Variants in EFCC1 observed in about 807,000 individuals in gnomAD.
EFCC1 encodes EF-hand and coiled-coil domain-containing protein 1.
In EFCC1, 50 loss-of-function variants were observed where a neutral mutation model predicts 52.1. The ratio of observed to expected loss-of-function variants is 0.96; its 90% CI spans 0.76 to 1.21. The LOEUF (loss-of-function observed/expected upper bound fraction) is 1.21, where lower values mean the gene tolerates loss of function less well. Among genes scored for constraint, EFCC1 ranks in the 50% most tolerant of loss-of-function variants. EFCC1 has a pLI of 0.00. For missense variants in EFCC1, 837 were observed against 867.3 expected, an observed-to-expected ratio of 0.97 and a Z score of 0.44; for synonymous variants, 399 against 396.5, an observed-to-expected ratio of 1.01 and a Z score of -0.08.
At position 129,002,298 on chromosome 3, in the gene EFCC1, A is replaced by G; in HGVS notation, c.670A>G (p.Ser224Gly). 2 of 1,526,692 alleles carry G rather than the reference A, an allele frequency of 1.3e-6. No individual in the cohort carries two copies. The highest frequency in any genetic ancestry group is 1.7e-6 in the Non-Finnish European group (2 of 1,143,356). 94.6% of individuals were successfully genotyped at this position (1,526,692 alleles called of 1,614,324 possible). The change falls in exon 1 of 8, where the codon AGT becomes GGT. Residue 224 changes from serine (S) to glycine (G), a missense_variant. Transcript: ENST00000683648. ...VEDLRAALQS[S>G]DARCLALQVG... ...GGACCTGCGCGCCGCGCTGCAGAGC[A>G]GTGATGCGCGCTGCCTAGCACTGCA...
chr3:129,029,992 G>A lies in EFCC1; in HGVS notation c.981-711G>A, dbSNP rs115931165. Among the ~76,000 whole-genome samples the A allele has an allele frequency of 6.2e-3, 934 of 151,604 alleles. 13 individuals are homozygous for A. Among genetic ancestry groups the A allele is most frequent in the African/African-American group, 0.02 (808 of 41,342 alleles). On this transcript the variant is annotated intron_variant, in intron 2 of 7. Transcript: ENST00000683648. ...CTGAGCTCAGGAGTTCGAGACCAGC[G>A]GAAGCAACATGGCAAAACCCTGTCC...
At chr3:129,006,194 C>T (rs1945066542) in intron 2 of EFCC1, among the ~76,000 whole-genome samples, 1 of 152,230 alleles carries the variant, frequency 6.6e-6, no homozygotes, top group African/African-American at 2.4e-5. Flanking sequence ...CTGTGTGCTT[C>T]GATTCACAGT....
intron 2 of EFCC1, among the ~76,000 whole-genome samples, chr3:129,004,876 C>T (rs1944999587): frequency 6.6e-6 from 1 of 152,116 alleles, no homozygotes. Flanking sequence ...CTTGGCAGGG[C>T]TTTTGGCAGA....
rs1216571860 is a variant in EFCC1 at position 129,003,784 on chromosome 3, G to A, written c.697-10G>A. 2.1e-6 allele frequency: 3 copies of A among 1,435,710 alleles called. No individual in the cohort carries two copies. The highest frequency in any genetic ancestry group is 2.7e-6 in the Non-Finnish European group (3 of 1,099,598). 88.9% of individuals were successfully genotyped at this position (1,435,710 alleles called of 1,614,324 possible). ...ACTTACCCCCTGCCCCTGCTGCCCT[G>A]TCCCCGCAGGTCGGACTCTGGAAGA... On this transcript the variant is annotated splice_polypyrimidine_tract_variant and intron_variant, in intron 1 of 7. Coordinates refer to ENST00000683648, the MANE Select transcript of EFCC1 (RefSeq NM_001377500.1).
intron 2 of EFCC1, among the ~76,000 whole-genome samples, chr3:129,006,417 A>G (rs1168089908): frequency 6.6e-6 from 1 of 152,212 alleles, no homozygotes; most frequent in African/African-American, 2.4e-5. Context: ...CCCAGGTTCA[A>G]AAGATTCTCC....
intron 3 of EFCC1, 68 bp from the exon 4 acceptor site, chr3:129,032,751 T>G: frequency 6.6e-7 from 1 of 1,518,294 alleles, no homozygotes. Context: ...GCTGCACATG[T>G]CCCCCTGGGG....
intron 5 of EFCC1, among the ~76,000 whole-genome samples, chr3:129,035,663 G>A (rs940062177): frequency 6.6e-6 from 1 of 152,172 alleles, no homozygotes; most frequent in Non-Finnish European, 1.5e-5. Context: ...AGTGAGATCG[G>A]GTCTGCACCA....
rs1029491823 is a variant in EFCC1 at position 129,040,345 on chromosome 3, A to G, written c.*497A>G. On this transcript the variant is annotated 3_prime_UTR_variant, in exon 8 of 8. Coordinates refer to ENST00000683648, the MANE Select transcript of EFCC1 (RefSeq NM_001377500.1). This position sits in a 1 kb window ranked among gnomAD's most constrained non-coding sequence, Gnocchi z 4.4. ...CACACCCCAGGAAATGTTGATGACT[A>G]GGAAAGGCTGAGGGAATTCCAAGGA... 2 of 154,794 alleles carry G rather than the reference A, an allele frequency of 1.3e-5. No homozygotes were observed. The highest frequency in any genetic ancestry group is 4.8e-5 in the African/African-American group (2 of 41,570). 9.6% of individuals were successfully genotyped at this position (154,794 alleles called of 1,614,324 possible).
chr3:129,030,571 C>G, intron 2 of EFCC1, 132 bp from the exon 3 acceptor site: 2 of 1,110,822 alleles, frequency 1.8e-6, no homozygotes, highest in Non-Finnish European at 2.4e-6. Context: ...CTAGCACTTC[C>G]TCCTGGACTG....
chr3:129,019,469 G>A (rs532947707), intron 2 of EFCC1, among the ~76,000 whole-genome samples: 181 of 152,296 alleles, frequency 1.2e-3, no homozygotes, highest in African/African-American at 3.9e-3. Context: ...ATGTGAGACC[G>A]CAGCAGGACC....
chr3:129,002,470 C>T, intron 1 of EFCC1, 146 bp downstream of exon 1: 1 of 1,355,460 alleles, frequency 7.4e-7, no homozygotes, highest in Non-Finnish European at 9.5e-7. Flanking sequence ...CATCAGCACA[C>T]TTGCATCTTG....
Position 129,039,831 on chromosome 3 carries a change from C to T in EFCC1, c.1783C>T (p.Leu595Phe). The change falls in exon 8 of 8, where the codon CTC becomes TTC. Residue 595 changes from leucine to phenylalanine, a missense_variant. Transcript: ENST00000683648. ...ASAAAALTNP[L>F]LVSC ...TGCAGCAGCTGCGCTCACCAACCCCCTCCTCGTCTCCTGCTGAGGTTACTG... is the reference window on the plus strand; with the variant it reads ...TGCAGCAGCTGCGCTCACCAACCCCTTCCTCGTCTCCTGCTGAGGTTACTG... The T allele has an allele frequency of 2.5e-6, 4 of 1,608,208 alleles. No individual in the cohort carries two copies. Among genetic ancestry groups the T allele is most frequent in the Non-Finnish European group, 3.4e-6 (4 of 1,176,228 alleles).
At position 129,002,291 on chromosome 3, in the gene EFCC1, G is replaced by T; in HGVS notation, c.663G>T (p.Leu221=). The T allele has an allele frequency of 2.0e-6, 3 of 1,527,160 alleles. No homozygotes were observed. The highest frequency in any genetic ancestry group is 2.6e-6 in the Non-Finnish European group (3 of 1,143,468). The allele number at this position is 1,527,160 out of a possible 1,614,324, so 94.6% of individuals were successfully genotyped here. ...TGGTGGAGGACCTGCGCGCCGCGCT[G>T]CAGAGCAGTGATGCGCGCTGCCTAG... ...RELVEDLRAA[L]QSSDARCLAL... Residue 221 remains leucine, a synonymous_variant, in exon 1 of 8, where the codon CTG becomes CTT. Coordinates refer to ENST00000683648, the MANE Select transcript of EFCC1 (RefSeq NM_001377500.1).
intron 2 of EFCC1, among the ~76,000 whole-genome samples, chr3:129,008,639 A>T (rs935600515): frequency 6.6e-6 from 1 of 152,212 alleles, no homozygotes; most frequent in Non-Finnish European, 1.5e-5. Context: ...GGCAGTAGAC[A>T]TGTTAGGGCA....
Position 129,014,420 on chromosome 3 carries a change from G to A in EFCC1, c.980+10343G>A, listed in dbSNP as rs1945476386. ...GGCTTCTCCTGCGGCCTCTCTCCTG[G>A]GCTGGCAGCCAGGGCCGCCTTCTCC... On this transcript the variant is annotated intron_variant, in intron 2 of 7. Coordinates refer to ENST00000683648, the MANE Select transcript of EFCC1 (RefSeq NM_001377500.1). This position sits in a 1 kb window ranked among gnomAD's most constrained non-coding sequence, Gnocchi z 4.3. 6.6e-6 allele frequency among the ~76,000 whole-genome samples: 1 copy of A among 152,162 alleles called. No individual in the cohort carries two copies. Among genetic ancestry groups the A allele is most frequent in the Non-Finnish European group, 1.5e-5 (1 of 68,012 alleles).
chr3:129,034,283 G>C lies in EFCC1; in HGVS notation c.1406G>C (p.Arg469Thr). The change falls in exon 5 of 8, where the codon AGG becomes ACG. Residue 469 changes from arginine (R) to threonine (T), a missense_variant. Arg to Thr is a moderately conservative substitution (Grantham distance 71, BLOSUM62 -1). Coordinates refer to ENST00000683648, the MANE Select transcript of EFCC1 (RefSeq NM_001377500.1). ...ACIAMLVEQL[R>T]TQGCGGRTLG... ...ATTGCCATGCTGGTGGAGCAGCTGA[G>C]GACTCAGGGCTGCGGTGGGAGGACC... 1 of 1,614,154 alleles carries C rather than the reference G, an allele frequency of 6.2e-7. No individual in the cohort carries two copies. Among genetic ancestry groups the C allele is most frequent in the Non-Finnish European group, 8.5e-7 (1 of 1,180,036 alleles).
Position 129,002,202 on chromosome 3 carries a change from G to T in EFCC1, c.574G>T (p.Asp192Tyr). Residue 192 changes from aspartate to tyrosine, a missense_variant, in exon 1 of 8, where the codon GAC becomes TAC. Coordinates refer to ENST00000683648, the MANE Select transcript of EFCC1 (RefSeq NM_001377500.1). Reference protein sequence around the residue: ...RRRPPCAPGPDSGPDCERVAR... With the variant: ...RRRPPCAPGPYSGPDCERVAR... The stretch of plus-strand genomic sequence containing the variant: ...CCGCCCGCCCTGCGCGCCTGGCCCC[G>T]ACAGCGGTCCTGACTGTGAGCGCGT... The T allele has an allele frequency of 2.6e-6, 4 of 1,512,076 alleles. No individual in the cohort carries two copies. The East Asian group carries it at 8.0e-5, about 30-fold the overall frequency. 93.7% of individuals were successfully genotyped at this position (1,512,076 alleles called of 1,614,324 possible). A position where few individuals can be genotyped will look rare whatever the true frequency, so the allele number is the denominator to read the frequency against.
chr3:129,034,603 G>C (rs1018299943), intron 5 of EFCC1, among the ~76,000 whole-genome samples: 21 of 152,206 alleles, frequency 1.4e-4, no homozygotes, highest in African/African-American at 4.8e-4. Flanking sequence ...TGGGTCCAGG[G>C]ACTCAGACCA....
rs1946403633 is a variant in EFCC1, at chr3:129,039,948, A to G, written c.*100A>G. 3 of 1,424,612 alleles carry G rather than the reference A, an allele frequency of 2.1e-6. No homozygotes were observed. Among genetic ancestry groups the G allele is most frequent in the Non-Finnish European group, 2.8e-6 (3 of 1,075,042 alleles). 88.2% of individuals were successfully genotyped at this position (1,424,612 alleles called of 1,614,324 possible). A position where few individuals can be genotyped will look rare whatever the true frequency, so the allele number is the denominator to read the frequency against. On this transcript the variant is annotated 3_prime_UTR_variant, in exon 8 of 8. Coordinates refer to ENST00000683648, the MANE Select transcript of EFCC1 (RefSeq NM_001377500.1). ...ACTGACAGCTGGTCTGACCACCGTCACATCATCAGAACTTGAGTCTCTGCT... is the reference window on the plus strand; with the variant it reads ...ACTGACAGCTGGTCTGACCACCGTCGCATCATCAGAACTTGAGTCTCTGCT...
Sources: allele counts gnomAD v4.1 joint callset (sites outside exome capture counted in the v4.1 genomes callset), GRCh38; gene constraint gnomAD v4.1.1; non-coding constraint Gnocchi (gnomAD v3.1); transcripts MANE v1.5; gene names NCBI Gene and HGNC (gene_info 2026-07-23, HGNC 2026-07-21).